Variants in FANCC observed in about 807,000 individuals in gnomAD.
The protein encoded by FANCC is FA complementation group C.
In FANCC, 55 loss-of-function variants were observed where a neutral mutation model predicts 71.3. The observed-to-expected ratio is 0.77, with a 90% CI of 0.62 to 0.97. The LOEUF is 0.97. Among genes scored for constraint, FANCC ranks in the 50% least tolerant of loss-of-function variants. The probability of loss-of-function intolerance (pLI) is 0.00; values close to 1 mark genes in which losing one functional copy is unlikely to be tolerated. For missense variants in FANCC, 678 were observed against 670.9 expected, an observed-to-expected ratio of 1.01 and a Z score of -0.12; for synonymous variants, 275 against 244.9, an observed-to-expected ratio of 1.12 and a Z score of -1.15.
chr9:95,104,997 C>T (rs369911703), intron 14 of FANCC, among the ~76,000 whole-genome samples: 149 of 152,306 alleles, frequency 9.8e-4, no homozygotes, highest in African/African-American at 3.3e-3. Flanking sequence ...TAGGTTGGGC[C>T]GCATTGTTGC....
intron 6 of FANCC, among the ~76,000 whole-genome samples, chr9:95,163,536 G>A (rs1830875687): frequency 6.6e-6 from 1 of 152,162 alleles, no homozygotes; most frequent in Admixed American, 6.6e-5. Flanking sequence ...AGATTGCTTT[G>A]GGTAGTACGG....
intron 4 of FANCC, among the ~76,000 whole-genome samples, chr9:95,180,566 T>C (rs762333337): frequency 6.6e-6 from 1 of 152,002 alleles, no homozygotes; most frequent in Non-Finnish European, 1.5e-5. Context: ...CTCAAACTCC[T>C]GGCCTAAAGT....
chr9:95,186,932 C>A (rs57471585), intron 4 of FANCC, among the ~76,000 whole-genome samples: 5,051 of 151,934 alleles, frequency 0.033, 290 homozygotes, highest in African/African-American at 0.12. Flanking sequence ...GCTGGGATTA[C>A]AGGCATGCGC....
chr9:95,310,667 A>C (rs560954419), intron 1 of FANCC, among the ~76,000 whole-genome samples: 1 of 152,080 alleles, frequency 6.6e-6, no homozygotes, highest in Non-Finnish European at 1.5e-5. Flanking sequence ...CCTTAAACCA[A>C]TAAAAGTCCA....
intron 8 of FANCC, among the ~76,000 whole-genome samples, chr9:95,130,259 T>C (rs1253915936): frequency 1.3e-5 from 2 of 152,012 alleles, no homozygotes; most frequent in African/African-American, 2.4e-5. Flanking sequence ...GGAAGAAGCA[T>C]TTCTTTCTGT....
At chr9:95,229,921 T>C (rs978753038) in intron 4 of FANCC, among the ~76,000 whole-genome samples, 4 of 152,222 alleles carry the variant, frequency 2.6e-5, no homozygotes, top group African/African-American at 9.6e-5. Context: ...TTCTGAATTA[T>C]TAAATTTTAA....
At chr9:95,290,251 G>A (rs1833926319) in intron 1 of FANCC, among the ~76,000 whole-genome samples, 1 of 152,092 alleles carries the variant, frequency 6.6e-6, no homozygotes, top group Non-Finnish European at 1.5e-5. Flanking sequence ...AACTCTGGGG[G>A]ACCTGAGAAA....
chr9:95,142,891 C>A (rs1828983688), intron 7 of FANCC, among the ~76,000 whole-genome samples: 1 of 152,156 alleles, frequency 6.6e-6, no homozygotes, highest in Admixed American at 6.5e-5. Context: ...CAAACCAATG[C>A]TCCCAACTCT....
intron 4 of FANCC, among the ~76,000 whole-genome samples, chr9:95,193,301 C>T (rs989192623): frequency 3.9e-5 from 6 of 152,052 alleles, no homozygotes; most frequent in Non-Finnish European, 5.9e-5. Context: ...GTGGAGTAAT[C>T]GGCAAGTTCA....
chr9:95,107,111 G>C lies in FANCC; in HGVS notation c.1488C>G (p.Leu496=), dbSNP rs1057520505. 5 of 1,614,110 alleles carry C rather than the reference G, an allele frequency of 3.1e-6. No individual in the cohort carries two copies. Among genetic ancestry groups the C allele is most frequent in the East Asian group, 2.2e-5 (1 of 44,900 alleles). The change falls in exon 14 of 15, where the codon CTC becomes CTG. Residue 496 remains leucine (L), a synonymous_variant. Coordinates refer to ENST00000289081, the MANE Select transcript of FANCC (RefSeq NM_000136.3). The part of the protein sequence containing the change: ...LIRHLLLNFL[L]WAPGGHTIAW... ...CGATCGTGTGGCCTCCAGGAGCCCAGAGCAGGAAGTTGAGGAGAAGGTGCC... is the reference window on the plus strand; with the variant it reads ...CGATCGTGTGGCCTCCAGGAGCCCACAGCAGGAAGTTGAGGAGAAGGTGCC...
intron 4 of FANCC, among the ~76,000 whole-genome samples, chr9:95,177,567 T>C (rs1826091172): frequency 6.6e-6 from 1 of 152,254 alleles, no homozygotes; most frequent in Non-Finnish European, 1.5e-5. Flanking sequence ...TTTGGACTAT[T>C]ACAATCAATG....
chr9:95,193,873 C>G (rs1197931529), intron 4 of FANCC, among the ~76,000 whole-genome samples: 1 of 152,184 alleles, frequency 6.6e-6, no homozygotes, highest in Admixed American at 6.5e-5. Context: ...CTAGCCAGAA[C>G]GAATGCTGCC....
chr9:95,255,700 T>C (rs1395061630), intron 1 of FANCC, among the ~76,000 whole-genome samples: 1 of 151,998 alleles, frequency 6.6e-6, no homozygotes, highest in East Asian at 1.9e-4. Context: ...ACAATTAGTT[T>C]GACAAACTGA....
At chr9:95,145,798 G>A (rs905124568) in intron 7 of FANCC, among the ~76,000 whole-genome samples, 2 of 152,080 alleles carry the variant, frequency 1.3e-5, no homozygotes, top group Non-Finnish European at 2.9e-5. Flanking sequence ...CCAGAGGCAC[G>A]CACCCTTTAT....
intron 7 of FANCC, among the ~76,000 whole-genome samples, chr9:95,139,901 TAAA>T (rs150874155): frequency 0.011 from 1,565 of 148,962 alleles, 27 homozygotes; most frequent in African/African-American, 0.037. Flanking sequence ...GACAATAAAG[TAAA>T]AAAGAAAAAA....
At chr9:95,280,222 A>G (rs1833302821) in intron 1 of FANCC, among the ~76,000 whole-genome samples, 1 of 152,216 alleles carries the variant, frequency 6.6e-6, no homozygotes, top group South Asian at 2.1e-4. Flanking sequence ...AAAAGGGTCA[A>G]TCCATCAGGA....
chr9:95,140,847 G>A (rs1296950868), intron 7 of FANCC, among the ~76,000 whole-genome samples: 1 of 152,124 alleles, frequency 6.6e-6, no homozygotes, highest in Non-Finnish European at 1.5e-5. Flanking sequence ...TCATCTGCAT[G>A]TACAGAGCAG....
intron 1 of FANCC, among the ~76,000 whole-genome samples, chr9:95,279,887 G>A (rs1833275402): frequency 6.8e-6 from 1 of 147,534 alleles, no homozygotes; most frequent in Non-Finnish European, 1.5e-5. Context: ...GGCGGAGGCT[G>A]CAGTGAGCAG....
chr9:95,123,123 G>A (rs1825325841), intron 10 of FANCC, among the ~76,000 whole-genome samples: 1 of 152,020 alleles, frequency 6.6e-6, no homozygotes, highest in African/African-American at 2.4e-5. Context: ...GCAACAGAGA[G>A]ACTCTATCTC....
Sources: allele counts gnomAD v4.1 joint callset (sites outside exome capture counted in the v4.1 genomes callset), GRCh38; gene constraint gnomAD v4.1.1; transcripts MANE v1.5; gene names NCBI Gene and HGNC (gene_info 2026-07-23, HGNC 2026-07-21).